Variants in SOS1 observed in about 807,000 individuals in gnomAD.
SOS1 encodes the protein SOS Ras/Rac guanine nucleotide exchange factor 1, also known as son of sevenless homolog 1.
Under a neutral mutation model 157.6 loss-of-function variants are expected in SOS1, and 25 were observed. The ratio of observed to expected loss-of-function variants is 0.16; its 90% CI spans 0.12 to 0.22. The LOEUF (loss-of-function observed/expected upper bound fraction) is 0.22, where lower values mean the gene tolerates loss of function less well. Among genes scored for constraint, SOS1 ranks in the 10% least tolerant of loss-of-function variants. The pLI, the probability that SOS1 is intolerant of heterozygous loss-of-function variation, is 1.00. For missense variants in SOS1, 1,237 were observed against 1,599.1 expected, an observed-to-expected ratio of 0.77 and a Z score of 3.86; for synonymous variants, 528 against 534.0, an observed-to-expected ratio of 0.99 and a Z score of 0.16.
rs1415809874 is a variant in SOS1, at chr2:38,981,777, T to G, written c.*4047A>C. The G allele has an allele frequency of 6.6e-6, 1 of 152,124 alleles. No homozygotes were observed. The highest frequency in any genetic ancestry group is 1.5e-5 in the Non-Finnish European group (1 of 68,020). 9.4% of individuals were successfully genotyped at this position (152,124 alleles called of 1,614,324 possible). ...GACAGAGCAATTTTTTGACAATTAT[T>G]TTAGCAAATAACCGTGCTACTAAAC... On this transcript the variant is annotated 3_prime_UTR_variant, in exon 23 of 23. Coordinates refer to ENST00000402219, the MANE Select transcript of SOS1 (RefSeq NM_005633.4).
At chr2:39,105,174 G>A (rs775697966) in intron 1 of SOS1, among the ~76,000 whole-genome samples, 10 of 151,956 alleles carry the variant, frequency 6.6e-5, no homozygotes, top group East Asian at 1.9e-4. Context: ...ATTGTTTCAG[G>A]CATTAAAAAA....
chr2:38,992,632 A>C (rs1457133885), intron 20 of SOS1: 1 of 152,126 alleles, frequency 6.6e-6, no homozygotes, highest in Non-Finnish European at 1.5e-5. Flanking sequence ...CACCACTTTC[A>C]TTTTTAGCTA....
At chr2:39,084,375 C>A (rs1017879834) in intron 1 of SOS1, among the ~76,000 whole-genome samples, 1 of 151,970 alleles carries the variant, frequency 6.6e-6, no homozygotes, top group Admixed American at 6.6e-5. Context: ...CATATATACA[C>A]GTGTATGTGT....
At chr2:39,111,600 C>T (rs1357879423) in intron 1 of SOS1, among the ~76,000 whole-genome samples, 3 of 152,188 alleles carry the variant, frequency 2.0e-5, no homozygotes, top group Non-Finnish European at 2.9e-5. Flanking sequence ...TCCTAGAATA[C>T]AGTCTCCCTC....
chr2:39,033,429 C>G (rs1487838649), intron 8 of SOS1, among the ~76,000 whole-genome samples: 1 of 152,012 alleles, frequency 6.6e-6, no homozygotes, highest in Non-Finnish European at 1.5e-5. Flanking sequence ...TTTTAATTGC[C>G]TACACTTGAA....
chr2:39,070,332 GTTCCT>G (rs1198159491), intron 1 of SOS1, among the ~76,000 whole-genome samples: 1 of 152,122 alleles, frequency 6.6e-6, no homozygotes, highest in African/African-American at 2.4e-5. Context: ...TCTCAGTCAA[GTTCCT>G]TTCATTTCTG....
intron 1 of SOS1, among the ~76,000 whole-genome samples, chr2:39,104,523 G>C (rs1325870431): frequency 1.3e-5 from 2 of 152,140 alleles, no homozygotes; most frequent in African/African-American, 4.8e-5. Flanking sequence ...GTAAAATATT[G>C]CAGGTTCTGT....
intron 8 of SOS1, among the ~76,000 whole-genome samples, chr2:39,024,776 T>C (rs1669903533): frequency 6.6e-6 from 1 of 152,200 alleles, no homozygotes; most frequent in African/African-American, 2.4e-5. Flanking sequence ...TTGTAAATGG[T>C]AACACACAAT....
intron 6 of SOS1, among the ~76,000 whole-genome samples, chr2:39,049,027 C>A (rs1314726868): frequency 6.6e-6 from 1 of 152,102 alleles, no homozygotes; most frequent in Non-Finnish European, 1.5e-5. Flanking sequence ...AAGTGATTCT[C>A]CTGCCTCAGC....
chr2:39,123,913 C>A (rs1322234787), upstream of SOS1, among the ~76,000 whole-genome samples: 2 of 152,184 alleles, frequency 1.3e-5, no homozygotes, highest in African/African-American at 4.8e-5. Flanking sequence ...CCTTCAACTC[C>A]GAATCTCTGA....
At chr2:39,010,503 A>G (rs1669431446) in intron 15 of SOS1, 81 bp downstream of exon 15, 4 of 1,414,440 alleles carry the variant, frequency 2.8e-6, no homozygotes, top group African/African-American at 1.4e-5. Context: ...CTCCGTCTCA[A>G]AAAAAACAAA....
At chr2:39,099,155 A>C (rs1222255517) in intron 1 of SOS1, among the ~76,000 whole-genome samples, 1 of 152,224 alleles carries the variant, frequency 6.6e-6, no homozygotes, top group African/African-American at 2.4e-5. Flanking sequence ...GTGGGAATGA[A>C]AATATGCAGC....
chr2:39,041,369 T>C (rs1362088077), intron 6 of SOS1, among the ~76,000 whole-genome samples: 2 of 152,236 alleles, frequency 1.3e-5, no homozygotes, highest in African/African-American at 2.4e-5. Context: ...TGGAGAAATA[T>C]CTATTCAAAT....
intron 1 of SOS1, among the ~76,000 whole-genome samples, chr2:39,073,068 T>A (rs1402381638): frequency 6.6e-6 from 1 of 152,216 alleles, no homozygotes; most frequent in African/African-American, 2.4e-5. Context: ...ACACTTCTAT[T>A]CCATGAGATA....
intron 2 of SOS1, among the ~76,000 whole-genome samples, chr2:39,062,597 TAA>T (rs1417387370): frequency 1.6e-5 from 2 of 128,778 alleles, no homozygotes; most frequent in Non-Finnish European, 1.7e-5. Flanking sequence ...ATAAAGAAGT[TAA>T]AAAAAAAAAA....
At chr2:39,088,047 G>A (rs1672440251) in intron 1 of SOS1, among the ~76,000 whole-genome samples, 1 of 149,886 alleles carries the variant, frequency 6.7e-6, no homozygotes, top group East Asian at 2.0e-4. Context: ...ATGAAGTAAT[G>A]TGTAAATATT....
chr2:39,092,330 A>T (rs1267167719), intron 1 of SOS1, among the ~76,000 whole-genome samples: 1 of 151,918 alleles, frequency 6.6e-6, no homozygotes, highest in Non-Finnish European at 1.5e-5. Flanking sequence ...GTCTTGCTTC[A>T]AGATCTTACA....
rs1553371516 is a variant in SOS1 at position 39,110,068 on chromosome 2, G to GTGTGTGTGTT, written c.87+10267_87+10268insAACACACACA. Among the ~76,000 whole-genome samples, 797 of 148,614 alleles carry GTGTGTGTGTT rather than the reference G, an allele frequency of 5.4e-3. 8 individuals are homozygous for GTGTGTGTGTT. Among genetic ancestry groups the GTGTGTGTGTT allele is most frequent in the African/African-American group, 0.02 (763 of 38,556 alleles). On this transcript the variant is annotated intron_variant, in intron 1 of 22. Transcript: ENST00000402219. ...TGTGTGTGTGTGTGTGTGTGTGTGT[G>GTGTGTGTGTT]TGTGTGTGTGTATGTGCATGTATGT...
At chr2:39,114,146 A>C (rs1386476475) in intron 1 of SOS1, among the ~76,000 whole-genome samples, 3 of 152,098 alleles carry the variant, frequency 2.0e-5, no homozygotes, top group African/African-American at 7.2e-5. Flanking sequence ...CCCAGACGGC[A>C]GTGCAATGGC....
Sources: allele counts gnomAD v4.1 joint callset (sites outside exome capture counted in the v4.1 genomes callset), GRCh38; gene constraint gnomAD v4.1.1; transcripts MANE v1.5; gene names NCBI Gene and HGNC (gene_info 2026-07-23, HGNC 2026-07-21).